AGL: variants seen among roughly 807,000 people sequenced by gnomAD.
AGL encodes the protein amylo-alpha-1,6-glucosidase and 4-alpha-glucanotransferase.
In AGL, 128 loss-of-function variants were observed where a neutral mutation model predicts 199.3. The ratio of observed to expected loss-of-function variants is 0.64; its 90% CI spans 0.56 to 0.74. The LOEUF (loss-of-function observed/expected upper bound fraction) is 0.74. AGL is among the 30% of genes least tolerant of loss of function. The pLI is 0.00. For missense variants in AGL, 1,809 were observed against 1,820.8 expected (o/e 0.99, Z 0.12); for synonymous variants, 584 against 594.7 (o/e 0.98, Z 0.26).
chr1:99,912,878 T>C (rs187543543), intron 29 of AGL, among the ~76,000 whole-genome samples: 192 of 152,322 alleles, frequency 1.3e-3, no homozygotes, highest in African/African-American at 4.5e-3. Flanking sequence ...AATTTTATAG[T>C]ACCCACATTT....
chr1:99,906,947 A>G (rs1055051925), intron 27 of AGL, among the ~76,000 whole-genome samples: 2 of 152,296 alleles, frequency 1.3e-5, no homozygotes, highest in African/African-American at 4.8e-5. Flanking sequence ...AAACTTCTAT[A>G]ATATTCTCCA....
Position 99,861,588 on chromosome 1 carries a change from A to G in AGL, c.168A>G (p.Thr56=), listed in dbSNP as rs750733055. ...CAAATTACCCATTTCCTGGAGAAAC[A>G]TTTAATAGAGAAAAATTCCGTTCTC... ...VYTNYPFPGE[T]FNREKFRSLD... The change falls in exon 3 of 34, where the codon ACA becomes ACG. Residue 56 remains threonine, a synonymous_variant. Coordinates refer to ENST00000361915, the MANE Select transcript of AGL (RefSeq NM_000642.3). The G allele has an allele frequency of 1.2e-6, 2 of 1,614,030 alleles. No individual in the cohort carries two copies. The highest frequency in any genetic ancestry group is 1.7e-5 in the Admixed American group (1 of 60,030).
intron 22 of AGL, 114 bp from the exon 23 acceptor site, chr1:99,891,492 A>G: frequency 6.6e-7 from 1 of 1,516,964 alleles, no homozygotes; most frequent in African/African-American, 1.4e-5. Context: ...GTTATAATAA[A>G]TGGAAATCGG....
At chr1:99,856,317 TCCCTTCCTTCCTCCCTCC>T (rs1649425894) in intron 2 of AGL, among the ~76,000 whole-genome samples, 1 of 16,704 alleles carries the variant, frequency 6.0e-5, no homozygotes. Flanking sequence ...CCTCCCTCCC[TCCCTTCCTTCCTCCCTCC>T]CTCCCTCCCT....
intron 25 of AGL, among the ~76,000 whole-genome samples, chr1:99,897,865 A>G (rs1390015097): frequency 6.6e-6 from 1 of 152,214 alleles, no homozygotes; most frequent in African/African-American, 2.4e-5. Context: ...TATCTGCCAC[A>G]TGCTAAACAG....
At chr1:99,898,716 C>G (rs1231557093) in intron 25 of AGL, among the ~76,000 whole-genome samples, 3 of 152,082 alleles carry the variant, frequency 2.0e-5, no homozygotes, top group Non-Finnish European at 4.4e-5. Context: ...TGGGGCCTCT[C>G]CAGGAGGCAA....
At chr1:99,901,382 T>A (rs1265761008) in intron 26 of AGL, among the ~76,000 whole-genome samples, 4 of 107,744 alleles carry the variant, frequency 3.7e-5, no homozygotes, top group South Asian at 3.3e-4. Flanking sequence ...TCAGTCTCTT[T>A]AAAAAAAAAA....
intron 5 of AGL, 71 bp downstream of exon 5, chr1:99,864,660 AAG>A: frequency 1.5e-6 from 2 of 1,339,196 alleles, no homozygotes; most frequent in Non-Finnish European, 2.1e-6. Flanking sequence ...ACACACAAAT[AAG>A]AGAAAGGAAG....
At chr1:99,851,485 C>T (rs763268063) in intron 2 of AGL, among the ~76,000 whole-genome samples, 3 of 152,132 alleles carry the variant, frequency 2.0e-5, no homozygotes, top group Non-Finnish European at 2.9e-5. Flanking sequence ...TTTGGGTATG[C>T]ATGTAGTTTT....
At position 99,923,604 on chromosome 1, in the gene AGL, G is replaced by A. The variant is rs186896891; in HGVS notation, c.*1953G>A. On this transcript the variant is annotated 3_prime_UTR_variant, in exon 34 of 34. Coordinates refer to ENST00000361915, the MANE Select transcript of AGL (RefSeq NM_000642.3). Reference sequence around the variant, plus strand: ...ATGAAAGAACATTGTTATATTCTGCGTGGTATATTTTAAAGTTTAAGAAGG... The same window carrying A: ...ATGAAAGAACATTGTTATATTCTGCATGGTATATTTTAAAGTTTAAGAAGG... 21 of 152,218 alleles carry A rather than the reference G, an allele frequency of 1.4e-4. No homozygotes were observed. The East Asian group carries it at 3.3e-3, about 24-fold the overall frequency. 9.4% of individuals were successfully genotyped at this position (152,218 alleles called of 1,614,324 possible).
In AGL at chr1:99,907,838, A is replaced by G. The variant is rs916912340; in HGVS notation, c.3701-2874A>G. Among the ~76,000 whole-genome samples the G allele has an allele frequency of 9.2e-5, 14 of 151,818 alleles. 1 individual carries two copies. The highest frequency in any genetic ancestry group is 4.1e-4 in the South Asian group (2 of 4,822). ...ATATATCTTCTTTGGAGAAATGTCT[A>G]TTCACATCCTTTGAATTTAGGGAAT... is the stretch of plus-strand genomic sequence containing the variant. On this transcript the variant is annotated intron_variant, in intron 27 of 33. Coordinates refer to ENST00000361915, the MANE Select transcript of AGL (RefSeq NM_000642.3).
chr1:99,883,503 G>A (rs1652209170), intron 17 of AGL, among the ~76,000 whole-genome samples: 1 of 152,140 alleles, frequency 6.6e-6, no homozygotes, highest in African/African-American at 2.4e-5. Context: ...TGAAGTAAAT[G>A]TGCTGTAGCT....
At position 99,851,037 on chromosome 1, in the gene AGL, G is replaced by A. The variant is rs1273139602; in HGVS notation, c.-6G>A. 2 of 1,612,660 alleles carry A rather than the reference G, an allele frequency of 1.2e-6. No individual in the cohort carries two copies. Among genetic ancestry groups the A allele is most frequent in the Non-Finnish European group, 1.7e-6 (2 of 1,178,822 alleles). On this transcript the variant is annotated 5_prime_UTR_variant, in exon 2 of 34. Transcript: ENST00000361915. ...ATGAAAGATTTCAAATCCTCTAGAA[G>A]CCAAAATGGGACACAGTAAACAGAT...
intron 7 of AGL, chr1:99,874,441 CTTTT>C (rs1319889884): frequency 5.3e-6 from 2 of 379,664 alleles, no homozygotes; most frequent in Non-Finnish European, 9.5e-6. Flanking sequence ...TTGTGTCTTT[CTTTT>C]ATGTTATTTT....
intron 17 of AGL, 57 bp downstream of exon 17, chr1:99,881,748 A>T: frequency 7.2e-7 from 1 of 1,391,866 alleles, no homozygotes; most frequent in Non-Finnish European, 9.9e-7. Flanking sequence ...ATTAAATTAT[A>T]CTGTAATGTT....
At chr1:99,899,104 G>C (rs1333268036) in intron 25 of AGL, among the ~76,000 whole-genome samples, 1 of 152,048 alleles carries the variant, frequency 6.6e-6, no homozygotes, top group Non-Finnish European at 1.5e-5. Context: ...TATAGAGAGA[G>C]CTAGTATTCT....
intron 33 of AGL, among the ~76,000 whole-genome samples, chr1:99,921,083 A>AT (rs1376801165): frequency 6.6e-6 from 1 of 152,082 alleles, no homozygotes; most frequent in Admixed American, 6.6e-5. Flanking sequence ...ATTAATTGGC[A>AT]TTTTTTTCTT....
At chr1:99,921,061 G>A (rs1323581917) in intron 33 of AGL, among the ~76,000 whole-genome samples, 2 of 152,132 alleles carry the variant, frequency 1.3e-5, no homozygotes, top group Non-Finnish European at 2.9e-5. Context: ...TTATTATTCA[G>A]TAGAAAGAGA....
intron 5 of AGL, among the ~76,000 whole-genome samples, chr1:99,865,497 T>G (rs990696452): frequency 6.6e-6 from 1 of 152,208 alleles, no homozygotes; most frequent in Middle Eastern, 3.2e-3. Context: ...TTAAAATAGA[T>G]CAGATTTTTC....
Sources: gnomAD v4.1 joint callset for allele counts (sites outside exome capture counted in the v4.1 genomes callset) on GRCh38, gnomAD v4.1.1 for gene constraint, MANE v1.5 for transcripts, NCBI Gene and HGNC (gene_info 2026-07-23, HGNC 2026-07-21) for gene names.